The following DAPK1 variants were observed in gnomAD, a reference collection of about 807,000 sequenced individuals.
The protein encoded by DAPK1 is death-associated protein kinase 1.
Under a neutral mutation model 144.9 loss-of-function variants are expected in DAPK1, and 56 were observed. That is an observed-to-expected ratio of 0.39 (90% confidence interval 0.31 to 0.48). The LOEUF is 0.48. DAPK1 is among the 20% of genes least tolerant of loss of function. The pLI, the probability that DAPK1 is intolerant of heterozygous loss-of-function variation, is 0.95. For missense variants in DAPK1, 1,454 were observed against 1,875.4 expected (o/e 0.78, Z 4.15); for synonymous variants, 690 against 749.0 (o/e 0.92, Z 1.29).
rs984377164 is a variant in DAPK1 at position 87,707,535 on chromosome 9, G to A, written c.*171G>A. 74 of 598,348 alleles carry A rather than the reference G, an allele frequency of 1.2e-4. 1 individual carries two copies. The Middle Eastern group carries it at 1.3e-3, about 11-fold the overall frequency. The allele number at this position is 598,348 out of a possible 1,614,324, so 37.1% of individuals were successfully genotyped here. On this transcript the variant is annotated 3_prime_UTR_variant, in exon 26 of 26. Coordinates refer to ENST00000408954, the MANE Select transcript of DAPK1 (RefSeq NM_004938.4). This position sits in a 1 kb window ranked among gnomAD's most constrained non-coding sequence, Gnocchi z 4.0. ...TTTCTCTGCCGCTACCTCCCTCCCC[G>A]TCTCATTCCGTTGTCTGTGGATGGT...
At chr9:87,588,176 A>G (rs1587743731) in intron 2 of DAPK1, among the ~76,000 whole-genome samples, 1 of 152,210 alleles carries the variant, frequency 6.6e-6, no homozygotes, top group South Asian at 2.1e-4. Context: ...GATTAAAATA[A>G]TTTTGTGTGT....
intron 3 of DAPK1, among the ~76,000 whole-genome samples, chr9:87,609,220 A>G (rs1048136609): frequency 6.6e-6 from 1 of 152,138 alleles, no homozygotes; most frequent in African/African-American, 2.4e-5. Flanking sequence ...TTGGGCTGGA[A>G]CTACACCAGC....
chr9:87,649,250 G>T (rs1564046069), intron 15 of DAPK1, among the ~76,000 whole-genome samples: 1 of 152,178 alleles, frequency 6.6e-6, no homozygotes, highest in Non-Finnish European at 1.5e-5. Flanking sequence ...CACACAGTCT[G>T]GTTTCAGAGT....
intron 19 of DAPK1, among the ~76,000 whole-genome samples, chr9:87,674,935 C>T (rs1334578338): frequency 6.6e-6 from 1 of 152,234 alleles, no homozygotes; most frequent in East Asian, 1.9e-4. Context: ...TTCATTCACT[C>T]ACACACTGAA....
At chr9:87,632,124 A>G (rs560705409) in intron 3 of DAPK1, 18 of 625,912 alleles carry the variant, frequency 2.9e-5, no homozygotes, top group Middle Eastern at 8.5e-4. Context: ...GTGTGTGTGT[A>G]TATATATATA....
Position 87,645,960 on chromosome 9 carries a change from C to T in DAPK1, c.1077C>T (p.Gly359=). 6.2e-7 allele frequency: 1 copy of T among 1,614,070 alleles called. No homozygotes were observed. Among genetic ancestry groups the T allele is most frequent in the African/African-American group, 1.3e-5 (1 of 75,028 alleles). Residue 359 remains glycine (G), a synonymous_variant, in exon 12 of 26, where the codon GGC becomes GGT. Transcript: ENST00000408954. ...IHAINDDNVP[G]LQHLLGSLSN... is the part of the protein sequence containing the mutation. ...CCATCAACGATGACAATGTCCCAGG[C>T]CTGCAGCACCTTCTGGGCTCATTAT...
chr9:87,650,980 C>T (rs1830423964), intron 16 of DAPK1, among the ~76,000 whole-genome samples: 1 of 152,182 alleles, frequency 6.6e-6, no homozygotes, highest in Admixed American at 6.5e-5. Flanking sequence ...AAACTCAACA[C>T]ATCTATTCAT....
intron 2 of DAPK1, among the ~76,000 whole-genome samples, chr9:87,560,835 T>G (rs542288956): frequency 6.6e-6 from 1 of 151,938 alleles, no homozygotes; most frequent in East Asian, 1.9e-4. Flanking sequence ...CCGGCTAACT[T>G]TTGTATTTTT....
intron 20 of DAPK1, among the ~76,000 whole-genome samples, chr9:87,682,397 C>T (rs1410709111): frequency 6.6e-6 from 1 of 152,148 alleles, no homozygotes; most frequent in Non-Finnish European, 1.5e-5. Flanking sequence ...AGAGACCTTC[C>T]AAGAGTTTCC....
At chr9:87,599,124 A>C (rs975766035) in intron 2 of DAPK1, among the ~76,000 whole-genome samples, 2 of 152,230 alleles carry the variant, frequency 1.3e-5, no homozygotes, top group Non-Finnish European at 2.9e-5. Flanking sequence ...TGACAAACAT[A>C]ATATGTACGA....
chr9:87,692,952 C>T (rs1335022449), intron 21 of DAPK1, among the ~76,000 whole-genome samples: 101 of 26,402 alleles, frequency 3.8e-3, no homozygotes, highest in African/African-American at 9.4e-3. Context: ...AGTGACTAGA[C>T]TTTTTTTTTT....
intron 2 of DAPK1, among the ~76,000 whole-genome samples, chr9:87,551,917 A>G (rs1008276434): frequency 1.3e-5 from 2 of 152,170 alleles, no homozygotes; most frequent in African/African-American, 4.8e-5. Flanking sequence ...TGTGAGTCTC[A>G]GATGCCTCCG....
intron 25 of DAPK1, among the ~76,000 whole-genome samples, chr9:87,705,041 G>A (rs931904328): frequency 3.6e-4 from 54 of 151,406 alleles, no homozygotes; most frequent in African/African-American, 1.0e-3. Flanking sequence ...TCCCCTTCTC[G>A]GAGGCCAACT....
At chr9:87,575,583 A>G (rs573314785) in intron 2 of DAPK1, among the ~76,000 whole-genome samples, 51 of 152,284 alleles carry the variant, frequency 3.3e-4, no homozygotes. Context: ...GGAGGTTACA[A>G]AGGAGTAATT....
intron 2 of DAPK1, among the ~76,000 whole-genome samples, chr9:87,573,553 G>A (rs143923850): frequency 1.8e-4 from 27 of 152,326 alleles, no homozygotes; most frequent in African/African-American, 5.1e-4. Flanking sequence ...GAGAAGGACA[G>A]CACAGCTGAG....
intron 19 of DAPK1, among the ~76,000 whole-genome samples, chr9:87,674,514 C>CAAAAAAA (rs35817698): frequency 1.5e-5 from 1 of 67,630 alleles, no homozygotes; most frequent in Non-Finnish European, 2.7e-5. Context: ...GACTCTGTCT[C>CAAAAAAA]AAAAAAAAAA....
intron 2 of DAPK1, among the ~76,000 whole-genome samples, chr9:87,577,841 G>GTGT (rs1489879780): frequency 2.0e-5 from 3 of 152,128 alleles, no homozygotes; most frequent in Non-Finnish European, 2.9e-5. Context: ...TGATTCCTGT[G>GTGT]TGTAACCAGG....
intron 3 of DAPK1, among the ~76,000 whole-genome samples, chr9:87,624,938 C>T (rs530483340): frequency 1.1e-4 from 17 of 152,314 alleles, no homozygotes; most frequent in Middle Eastern, 6.8e-3. Flanking sequence ...CAGGCCACAG[C>T]GTGGTTGGCG....
intron 18 of DAPK1, among the ~76,000 whole-genome samples, chr9:87,661,185 A>G (rs1345391263): frequency 1.3e-5 from 2 of 151,996 alleles, no homozygotes; most frequent in Non-Finnish European, 2.9e-5. Context: ...GTGTATATAT[A>G]CCACAATTTT....
Sources: allele counts gnomAD v4.1 joint callset (sites outside exome capture counted in the v4.1 genomes callset), GRCh38; gene constraint gnomAD v4.1.1; non-coding constraint Gnocchi (gnomAD v3.1); transcripts MANE v1.5; gene names NCBI Gene and HGNC (gene_info 2026-07-23, HGNC 2026-07-21).